The following ATP6V1E1 variants were observed in gnomAD, a reference collection of about 807,000 sequenced individuals.
The protein encoded by ATP6V1E1 is ATPase H+ transporting V1 subunit E1, also known as V-type proton ATPase subunit E 1.
ATP6V1E1 carries 21 observed loss-of-function variants against 35.2 expected under a neutral mutation model. The observed-to-expected ratio is 0.60, with a 90% confidence interval of 0.42 to 0.86. The LOEUF is 0.86. Ranked by LOEUF, ATP6V1E1 falls within the 40% of genes least tolerant of loss-of-function variation. ATP6V1E1 has a pLI of 0.00. For synonymous variants in ATP6V1E1, 83 were observed against 87.8 expected, an observed-to-expected ratio of 0.95 and a Z score of 0.30; for missense variants, 183 against 272.6, an observed-to-expected ratio of 0.67 and a Z score of 2.32.
Position 17,616,567 on chromosome 22 carries a change from T to G in ATP6V1E1, c.99+2894A>C, listed in dbSNP as rs2057845895. ...GATGGCATGCGCCTGTAGTCCCAGC[T>G]ACTTGGGAGGCTGAGGCAGGAGAAT... On this transcript the variant is annotated intron_variant, in intron 2 of 8. Transcript: ENST00000253413. Among the ~76,000 whole-genome samples the G allele has an allele frequency of 3.3e-5, 5 of 150,356 alleles. No homozygotes were observed. In the Admixed American group the frequency reaches 3.3e-4, roughly 10 times the overall value.
At chr22:17,598,164 G>A (rs200677077) in intron 7 of ATP6V1E1, 30 bp downstream of exon 7, 2 of 1,546,420 alleles carry the variant, frequency 1.3e-6, no homozygotes, top group Non-Finnish European at 1.8e-6. Flanking sequence ...GGGAGAGAAG[G>A]TAGCTGTTAG....
At chr22:17,614,659 C>T (rs1000989098) in intron 2 of ATP6V1E1, among the ~76,000 whole-genome samples, 2 of 137,678 alleles carry the variant, frequency 1.5e-5, no homozygotes, top group South Asian at 2.3e-4. Flanking sequence ...GCAACAAAAG[C>T]GAACTCTTAA....
At chr22:17,598,917 A>G (rs2057747137) in intron 6 of ATP6V1E1, among the ~76,000 whole-genome samples, 1 of 152,198 alleles carries the variant, frequency 6.6e-6, no homozygotes, top group Non-Finnish European at 1.5e-5. Context: ...GAGTAACCCA[A>G]GTGTCCAGTG....
chr22:17,594,700 C>G, intron 7 of ATP6V1E1, 84 bp from the exon 8 acceptor site: 1 of 1,193,504 alleles, frequency 8.4e-7, no homozygotes. Flanking sequence ...CAGAGGAATG[C>G]CCTTGTCTTG....
At chr22:17,595,503 G>T (rs770373155) in intron 7 of ATP6V1E1, among the ~76,000 whole-genome samples, 1 of 152,156 alleles carries the variant, frequency 6.6e-6, no homozygotes, top group Non-Finnish European at 1.5e-5. Flanking sequence ...TACTGATGAG[G>T]CCCTATCACG....
intron 4 of ATP6V1E1, among the ~76,000 whole-genome samples, chr22:17,604,448 T>C (rs1326622260): frequency 6.6e-6 from 1 of 152,140 alleles, no homozygotes; most frequent in East Asian, 1.9e-4. Flanking sequence ...AACCTGATTA[T>C]GATGTCAACA....
chr22:17,624,736 G>A (rs1013155220), intron 1 of ATP6V1E1, among the ~76,000 whole-genome samples: 1 of 151,820 alleles, frequency 6.6e-6, no homozygotes, highest in Non-Finnish European at 1.5e-5. Context: ...CAGGAGAATC[G>A]CTTGAACCCA....
chr22:17,615,749 T>C (rs566527248), intron 2 of ATP6V1E1, among the ~76,000 whole-genome samples: 1 of 151,448 alleles, frequency 6.6e-6, no homozygotes, highest in African/African-American at 2.4e-5. Flanking sequence ...AATACAAAAA[T>C]TGGCCTGGCG....
At chr22:17,610,468 G>C (rs1301141333) in intron 4 of ATP6V1E1, among the ~76,000 whole-genome samples, 1 of 152,040 alleles carries the variant, frequency 6.6e-6, no homozygotes, top group Non-Finnish European at 1.5e-5. Context: ...ATCTTTCTCA[G>C]AATCTTTTCC....
At chr22:17,598,358 C>G (rs2057743817) in intron 6 of ATP6V1E1, 70 bp from the exon 7 acceptor site, 1 of 1,252,498 alleles carries the variant, frequency 8.0e-7, no homozygotes. Context: ...ACTCAACAGA[C>G]TATACAAGCA....
chr22:17,626,541 A>AT lies in ATP6V1E1; in HGVS notation c.33+2061dup, dbSNP rs750597664. 7.5e-3 allele frequency among the ~76,000 whole-genome samples: 1,002 copies of AT among 133,234 alleles called. 7 individuals are homozygous for AT. The highest frequency in any genetic ancestry group is 0.02 in the African/African-American group (724 of 36,670). The allele number at this position is 133,234 out of a possible 152,430, so 87.4% of individuals were successfully genotyped here. The stretch of plus-strand genomic sequence containing the variant: ...CATGTGTGCCCCACCACACCTGGCA[A>AT]TTTTTTTTTTTTTTTGAGACAGTCT... On this transcript the variant is annotated intron_variant, in intron 1 of 8. Transcript: ENST00000253413.
At chr22:17,626,307 C>CAA (rs928655426) in intron 1 of ATP6V1E1, among the ~76,000 whole-genome samples, 47 of 61,606 alleles carry the variant, frequency 7.6e-4, no homozygotes, top group East Asian at 3.4e-3. Flanking sequence ...GACTTCGTCT[C>CAA]AAAAAAAAAA....
chr22:17,616,737 T>C lies in ATP6V1E1; in HGVS notation c.99+2724A>G, dbSNP rs1190742035. Among the ~76,000 whole-genome samples the C allele has an allele frequency of 2.7e-5, 4 of 150,608 alleles. No individual in the cohort carries two copies. In the East Asian group the frequency reaches 5.9e-4, roughly 22 times the overall value. On this transcript the variant is annotated intron_variant, in intron 2 of 8. Transcript: ENST00000253413. ...GAAATAATAGCTGAAATAGGACTTC[T>C]GTATTTGATCCAGAAAGAGTCATAC...
chr22:17,593,977 T>C (rs1352583660), intron 8 of ATP6V1E1, among the ~76,000 whole-genome samples: 1 of 152,078 alleles, frequency 6.6e-6, no homozygotes, highest in East Asian at 1.9e-4. Flanking sequence ...CCAAGGCGGG[T>C]GGATCACCTG....
At chr22:17,626,598 C>T (rs906036006) in intron 1 of ATP6V1E1, among the ~76,000 whole-genome samples, 4 of 149,082 alleles carry the variant, frequency 2.7e-5, no homozygotes, top group Admixed American at 6.7e-5. Context: ...ATGGTGTGAT[C>T]TCGCCTCACC....
intron 7 of ATP6V1E1, 58 bp downstream of exon 7, chr22:17,598,136 A>G: frequency 7.3e-7 from 1 of 1,369,954 alleles, no homozygotes; most frequent in Non-Finnish European, 1.0e-6. Flanking sequence ...AAGGCCTGGT[A>G]TAAAGGCCAC....
rs754244161 is a variant in ATP6V1E1, at chr22:17,598,283, T to C, written c.441A>G (p.Ala147=). Residue 147 remains alanine, a synonymous_variant, in exon 7 of 9, where the codon GCA becomes GCG. Coordinates refer to ENST00000253413, the MANE Select transcript of ATP6V1E1 (RefSeq NM_001696.4). ...RKQDFPLVKA[A]VQKAIPMYKI... ...TGTACATAGGAATTGCCTTCTGCAC[T>C]GCAGCCTGGAAGTATAGAACACAAT... 10 of 1,612,664 alleles carry C rather than the reference T, an allele frequency of 6.2e-6. No individual in the cohort carries two copies. In the East Asian group the frequency reaches 1.6e-4, roughly 25 times the overall value.
chr22:17,592,816 T>C, intron 8 of ATP6V1E1, 80 bp from the exon 9 acceptor site: 1 of 1,344,426 alleles, frequency 7.4e-7, no homozygotes, highest in Non-Finnish European at 1.1e-6. Flanking sequence ...TTTTTTTTTT[T>C]TTTTGAGACG....
At chr22:17,613,550 C>T (rs541355107) in intron 2 of ATP6V1E1, among the ~76,000 whole-genome samples, 217 of 151,490 alleles carry the variant, frequency 1.4e-3, no homozygotes, top group African/African-American at 5.1e-3. Flanking sequence ...TAACAGTAAC[C>T]GACAAGTTAC....
Sources: gnomAD v4.1 joint callset for allele counts (sites outside exome capture counted in the v4.1 genomes callset) on GRCh38, gnomAD v4.1.1 for gene constraint, MANE v1.5 for transcripts, NCBI Gene and HGNC (gene_info 2026-07-23, HGNC 2026-07-21) for gene names.